FARP2: variants seen among roughly 807,000 people sequenced by gnomAD.
FARP2 encodes the protein FERM, ARHGEF and pleckstrin domain-containing protein 2.
Under a neutral mutation model 130.5 loss-of-function variants are expected in FARP2, and 111 were observed. The ratio of observed to expected loss-of-function variants is 0.85; its 90% confidence interval spans 0.73 to 1.00. The LOEUF (loss-of-function observed/expected upper bound fraction) is 1.00. Among genes scored for constraint, FARP2 ranks in the 50% least tolerant of loss-of-function variants. The pLI is 0.00. For missense variants in FARP2, 1,385 were observed against 1,346.3 expected (o/e 1.03, Z -0.45); for synonymous variants, 504 against 516.9 (o/e 0.98, Z 0.34).
intron 13 of FARP2, chr2:241,456,436 A>T (rs763075143): frequency 1.9e-5 from 5 of 264,690 alleles, no homozygotes; most frequent in Non-Finnish European, 3.5e-5. Flanking sequence ...ATAGTTACAT[A>T]TTCTGCAGAG....
chr2:241,472,566 T>C (rs2064349380), intron 18 of FARP2, among the ~76,000 whole-genome samples: 1 of 151,556 alleles, frequency 6.6e-6, no homozygotes. Context: ...GTGGGGAACC[T>C]GTTCTGAGAG....
intron 21 of FARP2, chr2:241,488,495 C>G (rs1488291058): frequency 6.7e-6 from 1 of 149,856 alleles, no homozygotes; most frequent in Non-Finnish European, 1.5e-5. Context: ...CGGCTCACTG[C>G]AAACTCCGCC....
At chr2:241,493,662 T>C (rs2065017577) in intron 26 of FARP2, 1 of 576,380 alleles carries the variant, frequency 1.7e-6, no homozygotes, top group South Asian at 2.1e-5. Flanking sequence ...TGATACAATC[T>C]TGGCTCACTA....
At chr2:241,477,478 G>A (rs1340522901) in intron 19 of FARP2, among the ~76,000 whole-genome samples, 4 of 152,120 alleles carry the variant, frequency 2.6e-5, no homozygotes, top group East Asian at 1.9e-4. Flanking sequence ...TGTATCACAC[G>A]TCTCTCCACT....
At chr2:241,399,431 A>G (rs184575139) in intron 2 of FARP2, among the ~76,000 whole-genome samples, 55 of 152,280 alleles carry the variant, frequency 3.6e-4, no homozygotes, top group Non-Finnish European at 6.3e-4. Flanking sequence ...CAGCCTCCCA[A>G]GTAGCTGGAA....
intron 1 of FARP2, among the ~76,000 whole-genome samples, chr2:241,367,776 A>G (rs1377610684): frequency 6.6e-6 from 1 of 152,060 alleles, no homozygotes; most frequent in African/African-American, 2.4e-5. Context: ...CTAAAAAGCC[A>G]TGTGCTGATT....
chr2:241,440,528 G>T (rs1245699681), intron 12 of FARP2, among the ~76,000 whole-genome samples: 1 of 152,142 alleles, frequency 6.6e-6, no homozygotes, highest in Non-Finnish European at 1.5e-5. Context: ...GGCCACTCCT[G>T]TGCTTTTGGA....
intron 8 of FARP2, among the ~76,000 whole-genome samples, chr2:241,422,766 A>G (rs778654879): frequency 6.6e-6 from 1 of 152,226 alleles, no homozygotes; most frequent in Non-Finnish European, 1.5e-5. Context: ...TTTTGAGAGA[A>G]ACATAACCTA....
chr2:241,455,213 T>A (rs2063798010), intron 13 of FARP2, among the ~76,000 whole-genome samples: 1 of 152,210 alleles, frequency 6.6e-6, no homozygotes, highest in Admixed American at 6.5e-5. Flanking sequence ...AAACCAGTTG[T>A]GGGTGGAGTA....
intron 5 of FARP2, among the ~76,000 whole-genome samples, chr2:241,409,018 G>GAGAT (rs1261348428): frequency 5.7e-5 from 8 of 141,480 alleles, no homozygotes; most frequent in Non-Finnish European, 4.6e-5. Context: ...CTTTTAAATA[G>GAGAT]AGATAGATAG....
chr2:241,404,220 A>T (rs931363756), intron 3 of FARP2, among the ~76,000 whole-genome samples: 1 of 152,200 alleles, frequency 6.6e-6, no homozygotes, highest in Non-Finnish European at 1.5e-5. Context: ...ACTTGTAGCA[A>T]ACTTAACCAG....
chr2:241,463,375 C>G lies in FARP2; in HGVS notation c.1718C>G (p.Ala573Gly). ...GTGGTGAAGGAGGACGCCATGCCTG[C>G]GACTCTGATGACGCTGCTCTTCTCC... ...SAVVKEDAMPATLMTLLFSNI... is the reference protein window; with the variant it reads ...SAVVKEDAMPGTLMTLLFSNI... Residue 573 changes from alanine (A) to glycine (G), a missense_variant, in exon 16 of 27, where the codon GCG (alanine) becomes GGG (glycine). Transcript: ENST00000264042. 6.2e-7 allele frequency: 1 copy of G among 1,614,090 alleles called. No individual in the cohort carries two copies. The highest frequency in any genetic ancestry group is 8.5e-7 in the Non-Finnish European group (1 of 1,179,982).
chr2:241,409,079 C>A (rs952686071), intron 5 of FARP2, among the ~76,000 whole-genome samples: 3 of 88,170 alleles, frequency 3.4e-5, no homozygotes, highest in Admixed American at 2.1e-4. Flanking sequence ...TAGATAGATA[C>A]CTGAAAATGA....
chr2:241,421,450 A>G (rs2062805330), intron 8 of FARP2, among the ~76,000 whole-genome samples: 1 of 152,212 alleles, frequency 6.6e-6, no homozygotes, highest in South Asian at 2.1e-4. Flanking sequence ...TAGCCAGCCA[A>G]CAGCAGCAGG....
At chr2:241,380,325 G>A (rs2061631901) in intron 2 of FARP2, among the ~76,000 whole-genome samples, 2 of 152,184 alleles carry the variant, frequency 1.3e-5, no homozygotes, top group African/African-American at 4.8e-5. Flanking sequence ...GACACAGGCA[G>A]TGGCTGACCC....
At chr2:241,402,727 C>T (rs2062202180) in intron 2 of FARP2, among the ~76,000 whole-genome samples, 2 of 148,588 alleles carry the variant, frequency 1.3e-5, no homozygotes, top group South Asian at 4.3e-4. Flanking sequence ...AATGCAGTGG[C>T]ACAATCTCAA....
intron 4 of FARP2, chr2:241,405,441 C>G (rs2062307494): frequency 6.6e-6 from 1 of 152,078 alleles, no homozygotes; most frequent in Admixed American, 6.6e-5. Flanking sequence ...GTAATTGTGT[C>G]AGATGAAGTC....
intron 1 of FARP2, among the ~76,000 whole-genome samples, chr2:241,360,681 A>G (rs1318920534): frequency 6.6e-6 from 1 of 152,056 alleles, no homozygotes; most frequent in African/African-American, 2.4e-5. Flanking sequence ...CTCAAAAAAA[A>G]AAAAAAAAAG....
rs1012209971 is a variant in FARP2 at position 241,482,847 on chromosome 2, C to T, written c.2263-618C>T. On this transcript the variant is annotated intron_variant, in intron 19 of 26. Transcript: ENST00000264042. This position sits in a 1 kb window ranked among gnomAD's most constrained non-coding sequence, Gnocchi z 4.6. The stretch of plus-strand genomic sequence containing the variant: ...CCAGGACTCTCGCTTACCCTATCTG[C>T]GCAGGTGTCTGATACTGGCAGGATT... Among the ~76,000 whole-genome samples the T allele has an allele frequency of 1.6e-4, 24 of 152,150 alleles. No homozygotes were observed. The highest frequency in any genetic ancestry group is 1.3e-4 in the Non-Finnish European group (9 of 68,030).
Sources: allele counts gnomAD v4.1 joint callset (sites outside exome capture counted in the v4.1 genomes callset), GRCh38; gene constraint gnomAD v4.1.1; non-coding constraint Gnocchi (gnomAD v3.1); transcripts MANE v1.5; gene names NCBI Gene and HGNC (gene_info 2026-07-23, HGNC 2026-07-21).